MYRIP: variants seen among roughly 807,000 people sequenced by gnomAD.
MYRIP encodes the protein rab effector MyRIP.
In MYRIP, 49 loss-of-function variants were observed where a neutral mutation model predicts 98.0. That is an observed-to-expected ratio of 0.50 (90% CI 0.40 to 0.63). The LOEUF (loss-of-function observed/expected upper bound fraction) is 0.63. MYRIP is among the 30% of genes least tolerant of loss of function. MYRIP has a pLI of 0.00. For synonymous variants in MYRIP, 404 were observed against 409.5 expected, an observed-to-expected ratio of 0.99 and a Z score of 0.16; for missense variants, 1,004 against 1,058.2, an observed-to-expected ratio of 0.95 and a Z score of 0.71.
intron 3 of MYRIP, among the ~76,000 whole-genome samples, chr3:40,058,305 T>C (rs1209837452): frequency 6.6e-6 from 1 of 152,182 alleles, no homozygotes; most frequent in Non-Finnish European, 1.5e-5. Flanking sequence ...CAAGTCATCA[T>C]CTAATAAACT....
intron 3 of MYRIP, among the ~76,000 whole-genome samples, chr3:40,095,635 C>A (rs948439247): frequency 6.6e-6 from 1 of 152,074 alleles, no homozygotes; most frequent in Non-Finnish European, 1.5e-5. Context: ...GTATACTACT[C>A]CAGCCTCTAC....
At chr3:39,908,793 T>C (rs1943944137) in intron 2 of MYRIP, among the ~76,000 whole-genome samples, 1 of 152,240 alleles carries the variant, frequency 6.6e-6, no homozygotes, top group African/African-American at 2.4e-5. Context: ...AATTAGCAAA[T>C]ACTTCTGCTT....
At chr3:40,137,093 T>TA (rs1205464320) in intron 3 of MYRIP, among the ~76,000 whole-genome samples, 1 of 147,652 alleles carries the variant, frequency 6.8e-6, no homozygotes, top group African/African-American at 2.5e-5. Flanking sequence ...ATGAATCCAG[T>TA]AGCTGGTTTT....
intron 3 of MYRIP, among the ~76,000 whole-genome samples, chr3:40,110,881 GGTGTGTGTGTGTGTGTGTGT>G (rs58040369): frequency 2.6e-4 from 38 of 147,800 alleles, no homozygotes; most frequent in African/African-American, 6.0e-4. Context: ...TTCATGAAGG[GGTGTGTGTGTGTGTGTGTGT>G]GTGTGTGTGT....
At chr3:40,248,165 A>G (rs78592334) in intron 13 of MYRIP, 6,095 of 152,344 alleles carry the variant, frequency 0.04, 286 homozygotes, top group African/African-American at 0.11. Flanking sequence ...GACAGAGTCT[A>G]AGGATGCTAT....
chr3:40,064,830 C>T (rs1363939248), intron 3 of MYRIP, among the ~76,000 whole-genome samples: 1 of 152,116 alleles, frequency 6.6e-6, no homozygotes, highest in Non-Finnish European at 1.5e-5. Context: ...AATTCCTCAC[C>T]CTGTTAAAAG....
chr3:39,960,863 A>G (rs780636017), intron 2 of MYRIP, among the ~76,000 whole-genome samples: 12 of 152,126 alleles, frequency 7.9e-5, no homozygotes, highest in Admixed American at 3.3e-4. Flanking sequence ...CAAGTTGTAC[A>G]CTGGATCTTC....
chr3:39,867,311 CAT>C (rs1191587206), intron 1 of MYRIP, among the ~76,000 whole-genome samples: 2 of 152,076 alleles, frequency 1.3e-5, no homozygotes, highest in African/African-American at 4.8e-5. Context: ...AAAAAATAAA[CAT>C]GTTGTACTAC....
At chr3:40,069,777 G>A (rs559017568) in intron 3 of MYRIP, among the ~76,000 whole-genome samples, 10 of 152,264 alleles carry the variant, frequency 6.6e-5, no homozygotes, top group African/African-American at 9.6e-5. Context: ...TACGGTGTGC[G>A]GAGAGGGATG....
chr3:40,119,706 G>A lies in MYRIP; in HGVS notation c.333-31342G>A, dbSNP rs199775428. 2.0e-5 allele frequency among the ~76,000 whole-genome samples: 3 copies of A among 152,012 alleles called. No individual in the cohort carries two copies. The South Asian group carries it at 6.2e-4, about 31-fold the overall frequency. On this transcript the variant is annotated intron_variant, in intron 3 of 16. Coordinates refer to ENST00000302541, the MANE Select transcript of MYRIP (RefSeq NM_015460.4). ...CACCACATGTTCTCATTCATAGGTG[G>A]GAATTGAACAATGAGAACACCTGGA...
At chr3:40,045,961 G>C (rs1947660732) in intron 3 of MYRIP, among the ~76,000 whole-genome samples, 1 of 152,140 alleles carries the variant, frequency 6.6e-6, no homozygotes, top group Non-Finnish European at 1.5e-5. Flanking sequence ...GTACTTGATA[G>C]AGAAAATTGG....
chr3:40,254,423 C>T (rs2125728537), intron 16 of MYRIP, among the ~76,000 whole-genome samples: 1 of 123,236 alleles, frequency 8.1e-6, no homozygotes, highest in Non-Finnish European at 1.5e-5. Context: ...TGCATTTTTA[C>T]AGCAGATAAT....
At chr3:40,006,546 C>T (rs1946640655) in intron 2 of MYRIP, among the ~76,000 whole-genome samples, 1 of 152,072 alleles carries the variant, frequency 6.6e-6, no homozygotes, top group Admixed American at 6.6e-5. Flanking sequence ...ATCAAGAAAA[C>T]GTCCTGTTTC....
intron 1 of MYRIP, among the ~76,000 whole-genome samples, chr3:39,815,144 C>G (rs1281901712): frequency 6.6e-6 from 1 of 152,076 alleles, no homozygotes; most frequent in African/African-American, 2.4e-5. Context: ...AACCCTGTAC[C>G]CATTAGCAGT....
intron 2 of MYRIP, among the ~76,000 whole-genome samples, chr3:39,983,134 A>G (rs1415880630): frequency 6.6e-6 from 1 of 152,236 alleles, no homozygotes; most frequent in Non-Finnish European, 1.5e-5. Context: ...CTTGAAATAC[A>G]GGTTTCTGAT....
intron 2 of MYRIP, among the ~76,000 whole-genome samples, chr3:39,967,170 G>A (rs1256537049): frequency 6.6e-6 from 1 of 152,138 alleles, no homozygotes; most frequent in Non-Finnish European, 1.5e-5. Context: ...GGAGTTTGTT[G>A]TAGAGATTAT....
intron 2 of MYRIP, among the ~76,000 whole-genome samples, chr3:39,962,236 A>C (rs1945339939): frequency 6.6e-6 from 1 of 152,096 alleles, no homozygotes; most frequent in Non-Finnish European, 1.5e-5. Flanking sequence ...TGCACATAAA[A>C]ATTTAGGCAT....
intron 6 of MYRIP, 89 bp from the exon 7 acceptor site, chr3:40,167,070 G>C (rs1470417043): frequency 2.1e-6 from 3 of 1,424,658 alleles, no homozygotes; most frequent in Admixed American, 3.4e-5. Flanking sequence ...CCCTCCCTCT[G>C]CTTTTGTGGT....
At chr3:39,831,363 C>G (rs898360307) in intron 1 of MYRIP, among the ~76,000 whole-genome samples, 2 of 152,112 alleles carry the variant, frequency 1.3e-5, no homozygotes, top group Non-Finnish European at 2.9e-5. Flanking sequence ...TAAATATCTC[C>G]AAATCAACCT....
Sources: gnomAD v4.1 joint callset for allele counts (sites outside exome capture counted in the v4.1 genomes callset) on GRCh38, gnomAD v4.1.1 for gene constraint, MANE v1.5 for transcripts, NCBI Gene and HGNC (gene_info 2026-07-23, HGNC 2026-07-21) for gene names.